ARHGEF3: variants seen among roughly 807,000 people sequenced by gnomAD.
ARHGEF3 encodes the protein Rho guanine nucleotide exchange factor 3.
A neutral mutation model predicts 63.2 loss-of-function variants in ARHGEF3; 28 were observed. The ratio of observed to expected loss-of-function variants is 0.44; its 90% CI spans 0.33 to 0.61. ARHGEF3 has a LOEUF of 0.61. ARHGEF3 is among the 20% of genes least tolerant of loss of function. The pLI, the probability that ARHGEF3 is intolerant of heterozygous loss-of-function variation, is 0.03. For missense variants in ARHGEF3, 533 were observed against 659.3 expected, an observed-to-expected ratio of 0.81 and a Z score of 2.10; for synonymous variants, 266 against 254.2, an observed-to-expected ratio of 1.05 and a Z score of -0.44.
At chr3:56,834,784 A>G (rs1361270613) in intron 4 of ARHGEF3, among the ~76,000 whole-genome samples, 1 of 151,880 alleles carries the variant, frequency 6.6e-6, no homozygotes, top group Admixed American at 6.6e-5. Flanking sequence ...ATATCCAGGT[A>G]TAAATATGAA....
At chr3:56,995,545 A>T (rs1387504130) in intron 2 of ARHGEF3, among the ~76,000 whole-genome samples, 1 of 151,406 alleles carries the variant, frequency 6.6e-6, no homozygotes, top group African/African-American at 2.4e-5. Flanking sequence ...CATTTTTTCA[A>T]TCAATCCCAA....
At chr3:56,911,523 C>A (rs1019060820) in intron 3 of ARHGEF3, among the ~76,000 whole-genome samples, 6 of 152,028 alleles carry the variant, frequency 3.9e-5, no homozygotes, top group African/African-American at 1.4e-4. Flanking sequence ...TCCCGGTGAA[C>A]AGCTGGGGTC....
At chr3:57,064,960 G>A (rs1705442357) in intron 1 of ARHGEF3, among the ~76,000 whole-genome samples, 1 of 152,202 alleles carries the variant, frequency 6.6e-6, no homozygotes, top group South Asian at 2.1e-4. Context: ...AATTTTTTGA[G>A]ACACAATAGA....
chr3:57,074,047 G>A (rs1002738111), intron 1 of ARHGEF3: 3 of 1,614,094 alleles, frequency 1.9e-6, no homozygotes, highest in Non-Finnish European at 2.5e-6. Flanking sequence ...CAAGGCAGTT[G>A]TGAGCAAGTT....
At chr3:56,953,816 A>ACAAACCAAG (rs1366751239) in intron 3 of ARHGEF3, among the ~76,000 whole-genome samples, 13 of 152,282 alleles carry the variant, frequency 8.5e-5, no homozygotes, top group African/African-American at 2.6e-4. Context: ...GCAGTAGGAG[A>ACAAACCAAG]AGACAAACCA....
intron 6 of ARHGEF3, among the ~76,000 whole-genome samples, chr3:56,750,266 G>T (rs1238186385): frequency 1.3e-5 from 2 of 152,152 alleles, no homozygotes; most frequent in Non-Finnish European, 2.9e-5. Context: ...GAGCGGTGGG[G>T]ACTGAGGCAA....
chr3:56,754,969 C>G lies in ARHGEF3; in HGVS notation c.375+12G>C. Reference sequence around the variant, plus strand: ...CCAGACACACAGCCAGCTCCATGGGCCCCGAGCCTACCTCCTGACGTTTGA... The same window carrying G: ...CCAGACACACAGCCAGCTCCATGGGGCCCGAGCCTACCTCCTGACGTTTGA... On this transcript the variant is annotated intron_variant, in intron 3 of 9. Transcript: ENST00000296315. 19 of 1,614,158 alleles carry G rather than the reference C, an allele frequency of 1.2e-5. No individual in the cohort carries two copies. Among genetic ancestry groups the G allele is most frequent in the Non-Finnish European group, 1.6e-5 (19 of 1,180,020 alleles).
chr3:57,001,495 A>G (rs1302558023), intron 2 of ARHGEF3, among the ~76,000 whole-genome samples: 1 of 152,078 alleles, frequency 6.6e-6, no homozygotes, highest in Non-Finnish European at 1.5e-5. Flanking sequence ...TTTTAACAGA[A>G]CTCAACACGT....
At chr3:56,996,283 T>G (rs1701984545) in intron 2 of ARHGEF3, among the ~76,000 whole-genome samples, 1 of 152,150 alleles carries the variant, frequency 6.6e-6, no homozygotes, top group Non-Finnish European at 1.5e-5. Context: ...ATTCCCTATC[T>G]TAGCTCTCCC....
chr3:56,747,644 A>C (rs1237043960), intron 6 of ARHGEF3, among the ~76,000 whole-genome samples: 1 of 152,190 alleles, frequency 6.6e-6, no homozygotes. Flanking sequence ...GCAACGTGGC[A>C]AAATCCCGTC....
upstream of ARHGEF3, among the ~76,000 whole-genome samples, chr3:56,803,989 A>G (rs2107979868): frequency 6.7e-6 from 1 of 150,310 alleles, no homozygotes; most frequent in South Asian, 2.1e-4. Context: ...GGCTCAAGTG[A>G]TCTTTCCACC....
intron 2 of ARHGEF3, among the ~76,000 whole-genome samples, chr3:56,763,474 A>T (rs963011615): frequency 1.3e-5 from 2 of 152,202 alleles, no homozygotes; most frequent in African/African-American, 4.8e-5. Flanking sequence ...AAAGATCTGG[A>T]AACAGCCTAA....
chr3:56,917,670 C>T (rs1477407418), intron 3 of ARHGEF3, among the ~76,000 whole-genome samples: 1 of 152,036 alleles, frequency 6.6e-6, no homozygotes, highest in African/African-American at 2.4e-5. Flanking sequence ...GTTCTCAGAG[C>T]CAGAGACACA....
intron 4 of ARHGEF3, among the ~76,000 whole-genome samples, chr3:56,809,017 A>C (rs147971757): frequency 4.6e-5 from 7 of 152,336 alleles, no homozygotes; most frequent in African/African-American, 1.7e-4. Context: ...ATTGACCTCA[A>C]GGTATTTTCA....
chr3:56,736,827 T>C (rs974901986), intron 8 of ARHGEF3, among the ~76,000 whole-genome samples: 3 of 152,160 alleles, frequency 2.0e-5, no homozygotes, highest in African/African-American at 7.2e-5. Flanking sequence ...GCACGGTGGC[T>C]CAAGCCTGTA....
intron 3 of ARHGEF3, among the ~76,000 whole-genome samples, chr3:56,891,674 G>A (rs2062582): frequency 0.063 from 9,554 of 152,022 alleles, 522 homozygotes; most frequent in East Asian, 0.21. Context: ...CCTATAAAAT[G>A]GGGACACGAA....
At chr3:57,030,158 C>T (rs1703673236) in intron 2 of ARHGEF3, among the ~76,000 whole-genome samples, 1 of 152,232 alleles carries the variant, frequency 6.6e-6, no homozygotes. Context: ...TCAAGTCCTT[C>T]ATGTTGCCAT....
chr3:56,798,537 G>GTTTTTTTTTTTTTTTTTTTT, intron 1 of ARHGEF3, among the ~76,000 whole-genome samples: 1 of 139,276 alleles, frequency 7.2e-6, no homozygotes, highest in African/African-American at 2.8e-5. Flanking sequence ...TCTTTACTTC[G>GTTTTTTTTTTTTTTTTTTTT]TTTTTTTTTT....
intron 4 of ARHGEF3, among the ~76,000 whole-genome samples, chr3:56,875,713 C>G (rs2040565371): frequency 6.6e-6 from 1 of 152,198 alleles, no homozygotes; most frequent in South Asian, 2.1e-4. Flanking sequence ...TTATCTGTCC[C>G]TTTCTTTCAA....
Sources: allele counts gnomAD v4.1 joint callset (sites outside exome capture counted in the v4.1 genomes callset), GRCh38; gene constraint gnomAD v4.1.1; transcripts MANE v1.5; gene names NCBI Gene and HGNC (gene_info 2026-07-23, HGNC 2026-07-21).